Variants in MYT1L observed in about 807,000 individuals in gnomAD.
The protein encoded by MYT1L is myelin transcription factor 1 like, also known as myelin transcription factor 1-like protein.
A neutral mutation model predicts 126.7 loss-of-function variants in MYT1L; 12 were observed. The ratio of observed to expected loss-of-function variants is 0.09; its 90% confidence interval spans 0.06 to 0.15. The LOEUF (loss-of-function observed/expected upper bound fraction) is 0.15, where lower values mean the gene tolerates loss of function less well. Ranked by LOEUF, MYT1L falls within the 10% of genes least tolerant of loss-of-function variation. The pLI is 1.00. For missense variants in MYT1L, 979 were observed against 1,585.2 expected (o/e 0.62, Z 6.49); for synonymous variants, 541 against 604.2 (o/e 0.90, Z 1.53).
intron 3 of MYT1L, among the ~76,000 whole-genome samples, chr2:2,100,548 A>T (rs2077941245): frequency 6.6e-6 from 1 of 152,088 alleles, no homozygotes. Flanking sequence ...TAACACTCAA[A>T]CCCACTGAGG....
chr2:2,196,571 C>G (rs537472493), intron 2 of MYT1L, among the ~76,000 whole-genome samples: 1 of 151,296 alleles, frequency 6.6e-6, no homozygotes, highest in South Asian at 2.1e-4. Context: ...TAACATATAA[C>G]ATATTTAATA....
At position 1,801,860 on chromosome 2, in the gene MYT1L, T is replaced by C; in HGVS notation, c.3173-61A>G. The C allele has an allele frequency of 9.4e-7, 1 of 1,058,604 alleles. No individual in the cohort carries two copies. The highest frequency in any genetic ancestry group is 2.6e-5 in the East Asian group (1 of 38,176). 65.6% of individuals were successfully genotyped at this position (1,058,604 alleles called of 1,614,324 possible). ...TATACAAAAATATTAGAGTTAGAATTTTGGGAGCTTTCTTTGTTCCTTTTA... is the reference window on the plus strand; with the variant it reads ...TATACAAAAATATTAGAGTTAGAATCTTGGGAGCTTTCTTTGTTCCTTTTA... On this transcript the variant is annotated intron_variant, in intron 22 of 24. Transcript: ENST00000647738. The surrounding 1 kb of genome is among the most constrained non-coding windows in gnomAD (Gnocchi z 4.2).
At chr2:2,107,319 C>T (rs901413413) in intron 3 of MYT1L, among the ~76,000 whole-genome samples, 46 of 152,304 alleles carry the variant, frequency 3.0e-4, no homozygotes, top group African/African-American at 1.1e-3. Context: ...GGCCCACAGC[C>T]GACCTTTGTG....
chr2:1,972,646 G>A (rs745849423), intron 8 of MYT1L, among the ~76,000 whole-genome samples: 1 of 152,192 alleles, frequency 6.6e-6, no homozygotes, highest in African/African-American at 2.4e-5. Context: ...CAAATGAGGC[G>A]TGCATACATC....
intron 3 of MYT1L, among the ~76,000 whole-genome samples, chr2:2,148,734 G>A (rs1229959992): frequency 6.6e-6 from 1 of 152,140 alleles, no homozygotes; most frequent in Non-Finnish European, 1.5e-5. Flanking sequence ...GAAGCTTGGG[G>A]TAAACAACAT....
chr2:1,896,359 G>A (rs900605019), intron 14 of MYT1L, among the ~76,000 whole-genome samples: 14 of 152,258 alleles, frequency 9.2e-5, no homozygotes, highest in African/African-American at 2.9e-4. Context: ...AAAATAGATC[G>A]TTGTACCAGA....
intron 2 of MYT1L, among the ~76,000 whole-genome samples, chr2:2,280,363 G>A (rs2095430366): frequency 6.6e-6 from 1 of 152,090 alleles, no homozygotes; most frequent in South Asian, 2.1e-4. Flanking sequence ...AAGTTGCCTT[G>A]GTAATAGGCA....
rs1202054467 is a variant in MYT1L at position 1,917,452 on chromosome 2, G to T, written c.1484-113C>A. 1.5e-6 allele frequency: 2 copies of T among 1,310,402 alleles called. No homozygotes were observed. Among genetic ancestry groups the T allele is most frequent in the East Asian group, 2.3e-5 (1 of 42,976 alleles). The allele number at this position is 1,310,402 out of a possible 1,614,324, so 81.2% of individuals were successfully genotyped here. The stretch of plus-strand genomic sequence containing the variant: ...AAGAAAGAAATAAAGCAGGTGTCGG[G>T]GGCTAGGCTGTGACATCAGACTTTT... On this transcript the variant is annotated intron_variant, in intron 10 of 24. Transcript: ENST00000647738. This position sits in a 1 kb window ranked among gnomAD's most constrained non-coding sequence, Gnocchi z 5.9.
At chr2:1,946,864 C>T (rs1245417032) in intron 8 of MYT1L, among the ~76,000 whole-genome samples, 1 of 152,192 alleles carries the variant, frequency 6.6e-6, no homozygotes, top group Non-Finnish European at 1.5e-5. Context: ...ACCAACCAAC[C>T]TCCTCGCAGG....
At chr2:1,913,610 C>T (rs150492119) in intron 11 of MYT1L, among the ~76,000 whole-genome samples, 7 of 152,300 alleles carry the variant, frequency 4.6e-5, no homozygotes, top group East Asian at 1.9e-4. Flanking sequence ...CAACAGCACA[C>T]GAATGCTTCT....
At chr2:1,864,961 G>A (rs2045261336) in intron 18 of MYT1L, among the ~76,000 whole-genome samples, 1 of 152,182 alleles carries the variant, frequency 6.6e-6, no homozygotes, top group Non-Finnish European at 1.5e-5. Flanking sequence ...CGATTGCTGA[G>A]CTTCCACTCT....
chr2:2,282,661 A>G (rs889978479), intron 2 of MYT1L, among the ~76,000 whole-genome samples: 2 of 152,260 alleles, frequency 1.3e-5, no homozygotes, highest in Admixed American at 6.5e-5. Flanking sequence ...CATGTTTATA[A>G]GGCAAAATTT....
At chr2:1,896,959 C>T (rs191888151) in intron 14 of MYT1L, among the ~76,000 whole-genome samples, 4 of 151,998 alleles carry the variant, frequency 2.6e-5, no homozygotes, top group Non-Finnish European at 4.4e-5. Context: ...ATTGACTTTC[C>T]CAGATATTTA....
Position 2,170,869 on chromosome 2 carries a change from G to A in MYT1L, c.-304+2003C>T, listed in dbSNP as rs541776814. On this transcript the variant is annotated intron_variant, in intron 3 of 24. Coordinates refer to ENST00000647738, the MANE Select transcript of MYT1L (RefSeq NM_001303052.2). ...CTTTATGCATTGTTACCATAGCCCCGAAAGTGAGAAATGATTGGTGAGGAC... is the reference window on the plus strand; with the variant it reads ...CTTTATGCATTGTTACCATAGCCCCAAAAGTGAGAAATGATTGGTGAGGAC... Among the ~76,000 whole-genome samples the A allele has an allele frequency of 1.7e-4, 26 of 152,306 alleles. No homozygotes were observed. The South Asian group carries it at 4.0e-3, about 23-fold the overall frequency.
rs554627321 is a variant in MYT1L, at chr2:1,987,030, T to C, written c.1-7253A>G. On this transcript the variant is annotated intron_variant, in intron 5 of 24. Transcript: ENST00000647738. ...GGTAAAATAGATGTTGTTTCAGCCC[T>C]GAGCATAAAAATAAGAAAATAGATC... is the stretch of plus-strand genomic sequence containing the variant. Among the ~76,000 whole-genome samples, 13 of 152,322 alleles carry C rather than the reference T, an allele frequency of 8.5e-5. No homozygotes were observed. The East Asian group carries it at 2.5e-3, about 29-fold the overall frequency.
intron 4 of MYT1L, among the ~76,000 whole-genome samples, chr2:2,048,563 C>T (rs1338273364): frequency 5.3e-5 from 8 of 152,140 alleles, no homozygotes; most frequent in Admixed American, 2.0e-4. Context: ...GTGGTCCATG[C>T]GCTGACTCCA....
chr2:1,835,642 T>C (rs2148336112), intron 21 of MYT1L, among the ~76,000 whole-genome samples: 1 of 152,214 alleles, frequency 6.6e-6, no homozygotes, highest in African/African-American at 2.4e-5. Context: ...CCTTTCCCCT[T>C]ATGCCACTAC....
chr2:1,993,511 G>A (rs1033649181), intron 5 of MYT1L, among the ~76,000 whole-genome samples: 2 of 152,044 alleles, frequency 1.3e-5, no homozygotes, highest in Non-Finnish European at 2.9e-5. Flanking sequence ...CTAGGCTAAT[G>A]TCTATCCATT....
intron 3 of MYT1L, among the ~76,000 whole-genome samples, chr2:2,103,958 A>C (rs975001670): frequency 1.3e-5 from 2 of 152,196 alleles, no homozygotes; most frequent in Admixed American, 1.3e-4. Flanking sequence ...GCTGACTCCA[A>C]GCCTCCCATG....
Sources: allele counts gnomAD v4.1 joint callset (sites outside exome capture counted in the v4.1 genomes callset), GRCh38; gene constraint gnomAD v4.1.1; non-coding constraint Gnocchi (gnomAD v3.1); transcripts MANE v1.5; gene names NCBI Gene and HGNC (gene_info 2026-07-23, HGNC 2026-07-21).